Variants in ARL15 observed in about 807,000 individuals in gnomAD.
ARL15 encodes ARF like GTPase 15.
A neutral mutation model predicts 25.2 loss-of-function variants in ARL15; 19 were observed. That is an observed-to-expected ratio of 0.75 (90% CI 0.53 to 1.10). ARL15 has a LOEUF of 1.10. ARL15 is among the 50% of genes least tolerant of loss of function. The pLI is 0.00. For missense variants in ARL15, 220 were observed against 246.0 expected, an observed-to-expected ratio of 0.89 and a Z score of 0.71; for synonymous variants, 94 against 86.8, an observed-to-expected ratio of 1.08 and a Z score of -0.46.
intron 1 of ARL15, among the ~76,000 whole-genome samples, chr5:54,263,771 A>G (rs1271796821): frequency 6.6e-6 from 1 of 152,040 alleles, no homozygotes; most frequent in Non-Finnish European, 1.5e-5. Context: ...CCATCCATAC[A>G]ACCCCCATTT....
intron 4 of ARL15, among the ~76,000 whole-genome samples, chr5:53,955,420 G>A (rs544826014): frequency 1.3e-5 from 2 of 152,064 alleles, no homozygotes; most frequent in Non-Finnish European, 2.9e-5. Context: ...CTCCAAAACT[G>A]GAATAGATTT....
In ARL15 at chr5:54,113,581, G is replaced by C. The variant is rs530338663; in HGVS notation, c.254-171C>G. 9.4e-4 allele frequency among the ~76,000 whole-genome samples: 143 copies of C among 152,276 alleles called. 1 individual carries two copies. Among genetic ancestry groups the C allele is most frequent in the Admixed American group, 1.9e-3 (29 of 15,300 alleles). Reference sequence around the variant, plus strand: ...AAAAGGCAGAAATCACAGTGGATGGGAACAAAGAAGGCAGTAGAGCCAATA... The same window carrying C: ...AAAAGGCAGAAATCACAGTGGATGGCAACAAAGAAGGCAGTAGAGCCAATA... On this transcript the variant is annotated intron_variant, in intron 3 of 4. Coordinates refer to ENST00000504924, the MANE Select transcript of ARL15 (RefSeq NM_019087.3).
intron 1 of ARL15, among the ~76,000 whole-genome samples, chr5:54,284,892 TA>T (rs1343288065): frequency 6.6e-6 from 1 of 152,230 alleles, no homozygotes; most frequent in African/African-American, 2.4e-5. Context: ...CGGATACATA[TA>T]TTTAAAAACA....
intron 1 of ARL15, among the ~76,000 whole-genome samples, chr5:54,234,791 G>A (rs1035401921): frequency 6.6e-6 from 1 of 152,048 alleles, no homozygotes; most frequent in African/African-American, 2.4e-5. Context: ...TAAATTTATT[G>A]GATTGTCAGA....
chr5:54,025,287 C>CAAAAAAAACA (rs1749753497), intron 4 of ARL15, among the ~76,000 whole-genome samples: 1 of 80,192 alleles, frequency 1.2e-5, no homozygotes, highest in Non-Finnish European at 2.5e-5. Context: ...ACAAAGGGAC[C>CAAAAAAAACA]AAAAAAAAAA....
intron 4 of ARL15, among the ~76,000 whole-genome samples, chr5:54,057,061 A>T (rs1391065141): frequency 7.0e-6 from 1 of 142,898 alleles, no homozygotes; most frequent in African/African-American, 2.9e-5. Flanking sequence ...GTATAGTCTA[A>T]TAAAAAAAAA....
chr5:54,058,050 G>C (rs1750941646), intron 4 of ARL15, among the ~76,000 whole-genome samples: 1 of 150,338 alleles, frequency 6.7e-6, no homozygotes, highest in African/African-American at 2.4e-5. Flanking sequence ...TTGTTCCCCA[G>C]GCTGGAATGC....
At chr5:54,250,167 C>T (rs915376062) in intron 1 of ARL15, among the ~76,000 whole-genome samples, 4 of 151,912 alleles carry the variant, frequency 2.6e-5, no homozygotes, top group African/African-American at 9.7e-5. Flanking sequence ...AGGTGGGGGT[C>T]GAGGGAGGCA....
intron 4 of ARL15, among the ~76,000 whole-genome samples, chr5:53,973,716 A>C (rs1361690903): frequency 6.6e-6 from 1 of 152,088 alleles, no homozygotes; most frequent in Non-Finnish European, 1.5e-5. Flanking sequence ...TCCAGCCTGC[A>C]TGGTAGAGAA....
rs544619777 is a variant in ARL15, at chr5:54,200,414, G to C, written c.49-28486C>G. Among the ~76,000 whole-genome samples the C allele has an allele frequency of 2.6e-5, 4 of 151,704 alleles. No homozygotes were observed. In the East Asian group the frequency reaches 7.7e-4, roughly 29 times the overall value. On this transcript the variant is annotated intron_variant, in intron 1 of 4. Transcript: ENST00000504924. ...TCAAAATGACAAGTCCTCATCGGAG[G>C]CACTGCATCCAAATTTGCTTACCTC...
intron 4 of ARL15, among the ~76,000 whole-genome samples, chr5:54,005,911 T>C (rs892214180): frequency 3.3e-5 from 5 of 150,754 alleles, no homozygotes; most frequent in Non-Finnish European, 7.4e-5. Context: ...TGGTGGCACA[T>C]GCCTGTAATC....
intron 1 of ARL15, among the ~76,000 whole-genome samples, chr5:54,271,478 GT>G (rs1220017192): frequency 6.6e-6 from 1 of 152,140 alleles, no homozygotes; most frequent in Non-Finnish European, 1.5e-5. Context: ...TAGTTACATT[GT>G]TTGGGAAATA....
chr5:53,931,423 C>A lies in ARL15; in HGVS notation c.463-44710G>T, dbSNP rs564456246. 1.4e-3 allele frequency among the ~76,000 whole-genome samples: 209 copies of A among 152,158 alleles called. 1 individual carries two copies. The highest frequency in any genetic ancestry group is 2.0e-3 in the Non-Finnish European group (136 of 68,040). On this transcript the variant is annotated intron_variant, in intron 4 of 4. Transcript: ENST00000504924. ...TTAAGGAAAAATTAAGTAATTTAAT[C>A]CCATCAAGGTAGATGGTGTGCCTGA...
chr5:54,261,563 AAGAG>A (rs572502761), intron 1 of ARL15, among the ~76,000 whole-genome samples: 1 of 152,128 alleles, frequency 6.6e-6, no homozygotes, highest in Non-Finnish European at 1.5e-5. Flanking sequence ...CAAAAAAAAA[AAGAG>A]AGAACTTCAG....
chr5:54,260,760 C>A (rs1357838517), intron 1 of ARL15, among the ~76,000 whole-genome samples: 1 of 152,210 alleles, frequency 6.6e-6, no homozygotes. Context: ...TCACAGACAT[C>A]TTCCACGCTA....
intron 1 of ARL15, among the ~76,000 whole-genome samples, chr5:54,217,163 A>G (rs1359297004): frequency 6.6e-6 from 1 of 151,128 alleles, no homozygotes; most frequent in Non-Finnish European, 1.5e-5. Flanking sequence ...AAATATATTT[A>G]TCTTTTCCAA....
intron 4 of ARL15, among the ~76,000 whole-genome samples, chr5:53,958,634 A>T (rs1205936406): frequency 6.6e-6 from 1 of 152,180 alleles, no homozygotes; most frequent in African/African-American, 2.4e-5. Flanking sequence ...ACAATGGAGT[A>T]AAAAACATCA....
At chr5:54,212,821 G>A (rs1055358962) in intron 1 of ARL15, among the ~76,000 whole-genome samples, 1 of 152,198 alleles carries the variant, frequency 6.6e-6, no homozygotes, top group Non-Finnish European at 1.5e-5. Flanking sequence ...CTACCTAAAA[G>A]TAGTGATTTA....
intron 4 of ARL15, among the ~76,000 whole-genome samples, chr5:54,085,715 A>G (rs1455111534): frequency 6.6e-6 from 1 of 152,232 alleles, no homozygotes; most frequent in Admixed American, 6.5e-5. Flanking sequence ...TCTTAGATAC[A>G]GAATAAAGAT....
Sources: gnomAD v4.1 joint callset for allele counts (sites outside exome capture counted in the v4.1 genomes callset) on GRCh38, gnomAD v4.1.1 for gene constraint, MANE v1.5 for transcripts, NCBI Gene and HGNC (gene_info 2026-07-23, HGNC 2026-07-21) for gene names.